FSTL5: variants seen among roughly 807,000 people sequenced by gnomAD.
FSTL5 encodes the protein follistatin-related protein 5.
Under a neutral mutation model 89.1 loss-of-function variants are expected in FSTL5, and 62 were observed. The ratio of observed to expected loss-of-function variants is 0.70; its 90% CI spans 0.57 to 0.86. The LOEUF (loss-of-function observed/expected upper bound fraction) is 0.86. Among genes scored for constraint, FSTL5 ranks in the 40% least tolerant of loss-of-function variants. The probability of loss-of-function intolerance (pLI) is 0.00; values close to 1 mark genes in which losing one functional copy is unlikely to be tolerated. For missense variants in FSTL5, 1,057 were observed against 1,001.6 expected (o/e 1.06, Z -0.75); for synonymous variants, 383 against 346.2 (o/e 1.11, Z -1.18).
At position 161,779,793 on chromosome 4, in the gene FSTL5, ATATATATATATATATATG is replaced by A. The variant is rs1169058818; in HGVS notation, c.410-3737_410-3720del. Among the ~76,000 whole-genome samples, 363 of 51,668 alleles carry A rather than the reference ATATATATATATATATATG, an allele frequency of 7.0e-3. 8 individuals carry two copies. Among genetic ancestry groups the A allele is most frequent in the African/African-American group, 0.048 (269 of 5,646 alleles). 33.9% of individuals were successfully genotyped at this position (51,668 alleles called of 152,430 possible). ...TATATATGTATATATATATATATAT[ATATATATATATATATATG>A]TATATATATATATATATATATATAT... On this transcript the variant is annotated intron_variant, in intron 4 of 15. Coordinates refer to ENST00000306100, the MANE Select transcript of FSTL5 (RefSeq NM_020116.5).
At chr4:161,477,692 A>G (rs1729334810) in intron 13 of FSTL5, among the ~76,000 whole-genome samples, 1 of 151,838 alleles carries the variant, frequency 6.6e-6, no homozygotes, top group African/African-American at 2.4e-5. Flanking sequence ...ATTATTTAAC[A>G]TATACATATC....
chr4:161,885,032 T>C (rs1434403384), intron 4 of FSTL5, among the ~76,000 whole-genome samples: 3 of 152,078 alleles, frequency 2.0e-5, no homozygotes, highest in East Asian at 1.9e-4. Context: ...CATTTCTTGG[T>C]GGACAGCTAA....
intron 2 of FSTL5, among the ~76,000 whole-genome samples, chr4:162,094,814 T>C (rs1730685128): frequency 6.6e-6 from 1 of 152,186 alleles, no homozygotes; most frequent in African/African-American, 2.4e-5. Flanking sequence ...GGTAGCACTG[T>C]AAGTATATAC....
intron 6 of FSTL5, among the ~76,000 whole-genome samples, chr4:161,676,881 A>G (rs527677398): frequency 3.3e-4 from 50 of 152,070 alleles, no homozygotes; most frequent in Admixed American, 7.2e-4. Context: ...CAATTCATTC[A>G]TGTTTTATTC....
At chr4:161,969,248 A>T (rs994199965) in intron 3 of FSTL5, among the ~76,000 whole-genome samples, 5 of 152,148 alleles carry the variant, frequency 3.3e-5, no homozygotes, top group Non-Finnish European at 7.4e-5. Flanking sequence ...CGTTTAATTC[A>T]TACTGTCTCC....
intron 10 of FSTL5, among the ~76,000 whole-genome samples, chr4:161,521,694 A>G (rs111268282): frequency 2.6e-5 from 4 of 151,420 alleles, no homozygotes; most frequent in Non-Finnish European, 2.9e-5. Flanking sequence ...TAAAAATACA[A>G]AAAAATTAGC....
intron 8 of FSTL5, among the ~76,000 whole-genome samples, chr4:161,572,558 C>A (rs551256119): frequency 6.6e-6 from 1 of 152,000 alleles, no homozygotes; most frequent in Non-Finnish European, 1.5e-5. Context: ...TGGTGGGAAT[C>A]TTTTTCCCTC....
At chr4:161,388,901 C>T (rs12374404) in intron 15 of FSTL5, among the ~76,000 whole-genome samples, 2,484 of 152,108 alleles carry the variant, frequency 0.016, 26 homozygotes, top group Non-Finnish European at 0.027. Flanking sequence ...TACAATCTAG[C>T]TACTTTTGGA....
At chr4:161,422,875 C>T (rs577355131) in intron 15 of FSTL5, among the ~76,000 whole-genome samples, 1 of 152,276 alleles carries the variant, frequency 6.6e-6, no homozygotes, top group South Asian at 2.1e-4. Flanking sequence ...TAATACAACC[C>T]AATCACAGCT....
At chr4:161,647,329 A>G (rs1356200036) in intron 7 of FSTL5, among the ~76,000 whole-genome samples, 1 of 152,146 alleles carries the variant, frequency 6.6e-6, no homozygotes, top group Non-Finnish European at 1.5e-5. Context: ...AACCGTGTAT[A>G]TTGTTCCATA....
At chr4:162,022,928 G>A (rs1488498578) in intron 3 of FSTL5, 1 of 152,096 alleles carries the variant, frequency 6.6e-6, no homozygotes, top group African/African-American at 2.4e-5. Context: ...CACTCAAAAG[G>A]GTTAGAAGAT....
At chr4:161,830,570 C>A (rs1730812983) in intron 4 of FSTL5, among the ~76,000 whole-genome samples, 1 of 151,956 alleles carries the variant, frequency 6.6e-6, no homozygotes, top group Non-Finnish European at 1.5e-5. Flanking sequence ...TACTTAGCAT[C>A]TTGAGACTTC....
intron 4 of FSTL5, among the ~76,000 whole-genome samples, chr4:161,839,430 G>A (rs905165786): frequency 2.0e-5 from 3 of 151,864 alleles, no homozygotes; most frequent in Non-Finnish European, 4.4e-5. Context: ...CTTTAAAATG[G>A]GAAACAACCC....
At chr4:161,700,047 A>G (rs2126728822) in intron 6 of FSTL5, among the ~76,000 whole-genome samples, 1 of 152,336 alleles carries the variant, frequency 6.6e-6, no homozygotes, top group East Asian at 1.9e-4. Context: ...AATTTTTCAT[A>G]AACATTGACA....
chr4:162,000,501 G>C (rs555804213), intron 3 of FSTL5, among the ~76,000 whole-genome samples: 1 of 151,992 alleles, frequency 6.6e-6, no homozygotes, highest in African/African-American at 2.4e-5. Context: ...GGGAGGCTGA[G>C]GCAGGGGAAT....
intron 2 of FSTL5, among the ~76,000 whole-genome samples, chr4:162,070,073 T>C (rs1047944143): frequency 2.0e-5 from 3 of 151,932 alleles, no homozygotes; most frequent in African/African-American, 7.2e-5. Context: ...ATAGCCATTC[T>C]GTCTTGGGTG....
At chr4:161,577,473 C>CAAAAAAAAAAAAAAA (rs544029134) in intron 8 of FSTL5, among the ~76,000 whole-genome samples, 2 of 110,204 alleles carry the variant, frequency 1.8e-5, no homozygotes, top group Non-Finnish European at 1.8e-5. Flanking sequence ...AGAAAAAAGA[C>CAAAAAAAAAAAAAAA]AAAAAAAAAA....
chr4:161,644,907 T>A (rs1283124874), intron 7 of FSTL5, among the ~76,000 whole-genome samples: 2 of 152,164 alleles, frequency 1.3e-5, no homozygotes, highest in Non-Finnish European at 2.9e-5. Context: ...AATGAAAAAG[T>A]TAAATTCACA....
chr4:161,943,270 CT>C (rs1320919022), intron 3 of FSTL5, among the ~76,000 whole-genome samples: 1 of 151,792 alleles, frequency 6.6e-6, no homozygotes, highest in African/African-American at 2.4e-5. Flanking sequence ...TTATAGCTTT[CT>C]AATAGTAATA....
Sources: gnomAD v4.1 joint callset for allele counts (sites outside exome capture counted in the v4.1 genomes callset) on GRCh38, gnomAD v4.1.1 for gene constraint, MANE v1.5 for transcripts, NCBI Gene and HGNC (gene_info 2026-07-23, HGNC 2026-07-21) for gene names.